The following TOX2 variants were observed in gnomAD, a reference collection of about 807,000 sequenced individuals.
TOX2 encodes granulosa cell HMG box 1.
Under a neutral mutation model 47.4 loss-of-function variants are expected in TOX2, and 15 were observed. The observed-to-expected ratio is 0.32, with a 90% CI of 0.21 to 0.49. TOX2 has a LOEUF of 0.49. TOX2 is among the 20% of genes least tolerant of loss of function. The probability of loss-of-function intolerance (pLI) is 0.99; values close to 1 mark genes in which losing one functional copy is unlikely to be tolerated. For missense variants in TOX2, 622 were observed against 673.1 expected (o/e 0.92, Z 0.84); for synonymous variants, 290 against 296.6 (o/e 0.98, Z 0.23).
At chr20:44,018,402 G>A (rs1479951663) in intron 3 of TOX2, among the ~76,000 whole-genome samples, 3 of 152,182 alleles carry the variant, frequency 2.0e-5, no homozygotes, top group Non-Finnish European at 4.4e-5. Flanking sequence ...GAGAATTAAG[G>A]GAAAATCGCA....
intron 2 of TOX2, among the ~76,000 whole-genome samples, chr20:43,990,392 A>G (rs376213051): frequency 2.0e-5 from 3 of 152,118 alleles, no homozygotes; most frequent in Non-Finnish European, 2.9e-5. Flanking sequence ...CAGCCCCCTG[A>G]TGGGATGTTT....
At chr20:44,016,592 C>T (rs995772750) in intron 3 of TOX2, among the ~76,000 whole-genome samples, 9 of 152,092 alleles carry the variant, frequency 5.9e-5, no homozygotes, top group African/African-American at 1.9e-4. Context: ...CTATTCCTGG[C>T]CTCTAGTAGC....
intron 1 of TOX2, among the ~76,000 whole-genome samples, chr20:43,959,570 T>C (rs77497219): frequency 6.6e-6 from 1 of 152,232 alleles, no homozygotes; most frequent in East Asian, 1.9e-4. Flanking sequence ...AACGCTGTCG[T>C]TGACATATTT....
chr20:44,039,222 C>A (rs776273253), intron 3 of TOX2: 10 of 1,288,290 alleles, frequency 7.8e-6, no homozygotes, highest in Non-Finnish European at 1.0e-5. Context: ...GAGGAGGTGA[C>A]ATTTCAGGTA....
chr20:43,928,452 T>C (rs2145310216), intron 1 of TOX2, among the ~76,000 whole-genome samples: 1 of 152,344 alleles, frequency 6.6e-6, no homozygotes, highest in East Asian at 1.9e-4. Context: ...TGCTCTTGTG[T>C]TGGTCGCTTT....
At position 43,934,136 on chromosome 20, in the gene TOX2, GGA is replaced by G. The variant is rs56662660; in HGVS notation, c.99+19177_99+19178del. Reference sequence around the variant, plus strand: ...GCTCTTATTTCAGAGCCCAAGGTAAGGAGAGAGAGAGAGAGAGAGAGAGAGAG... The same window carrying G: ...GCTCTTATTTCAGAGCCCAAGGTAAGGAGAGAGAGAGAGAGAGAGAGAGAG... On this transcript the variant is annotated intron_variant, in intron 1 of 8. Transcript: ENST00000341197. 8.6e-3 allele frequency among the ~76,000 whole-genome samples: 1,053 copies of G among 122,126 alleles called. 10 individuals are homozygous for G. The highest frequency in any genetic ancestry group is 0.016 in the Middle Eastern group (4 of 246). The allele number at this position is 122,126 out of a possible 152,430, so 80.1% of individuals were successfully genotyped here. A position where few individuals can be genotyped will look rare whatever the true frequency, so the allele number is the denominator to read the frequency against.
intron 2 of TOX2, among the ~76,000 whole-genome samples, chr20:43,995,066 T>C (rs1245305702): frequency 6.6e-6 from 1 of 151,938 alleles, no homozygotes; most frequent in African/African-American, 2.4e-5. Flanking sequence ...ATTTTACCGG[T>C]ATGGCTTTTC....
At chr20:43,963,010 T>G (rs1245505502) in intron 1 of TOX2, among the ~76,000 whole-genome samples, 1 of 152,236 alleles carries the variant, frequency 6.6e-6, no homozygotes, top group African/African-American at 2.4e-5. Flanking sequence ...TCATCATTCT[T>G]GCTCTGAAGT....
intron 3 of TOX2, among the ~76,000 whole-genome samples, chr20:44,046,511 A>G (rs1157842215): frequency 6.6e-6 from 1 of 152,216 alleles, no homozygotes; most frequent in Non-Finnish European, 1.5e-5. Flanking sequence ...TTGTGCACCC[A>G]CGTTCCTAGC....
intron 3 of TOX2, among the ~76,000 whole-genome samples, chr20:44,021,087 A>G (rs1366259856): frequency 6.6e-6 from 1 of 152,172 alleles, no homozygotes; most frequent in African/African-American, 2.4e-5. Context: ...ATTGTGCACC[A>G]AGGGCCTAAG....
At chr20:43,952,181 G>A (rs573436254) in intron 1 of TOX2, among the ~76,000 whole-genome samples, 6 of 152,198 alleles carry the variant, frequency 3.9e-5, no homozygotes, top group East Asian at 3.9e-4. Flanking sequence ...AATTACAGGC[G>A]TGAGCCACTG....
chr20:43,992,966 T>C (rs369689124), intron 2 of TOX2, among the ~76,000 whole-genome samples: 4 of 152,160 alleles, frequency 2.6e-5, no homozygotes, highest in East Asian at 1.9e-4. Flanking sequence ...CTCGTGGTCC[T>C]CCTTATACCC....
At chr20:43,995,570 T>C (rs2070459754) in intron 2 of TOX2, among the ~76,000 whole-genome samples, 2 of 152,198 alleles carry the variant, frequency 1.3e-5, no homozygotes, top group Non-Finnish European at 2.9e-5. Context: ...GTTATATAGG[T>C]AAGCTTGTGT....
intron 3 of TOX2, among the ~76,000 whole-genome samples, chr20:44,017,521 G>T (rs1226220272): frequency 6.6e-6 from 1 of 152,182 alleles, no homozygotes; most frequent in Non-Finnish European, 1.5e-5. Context: ...GCCCCTTGCA[G>T]CACTGCTCAT....
chr20:43,977,554 T>C (rs1445762630), intron 2 of TOX2, among the ~76,000 whole-genome samples: 2 of 152,266 alleles, frequency 1.3e-5, no homozygotes, highest in Admixed American at 1.3e-4. Flanking sequence ...TTGAAAACTT[T>C]CACCGCCGCT....
At chr20:44,027,888 G>A (rs1358318521) in intron 3 of TOX2, among the ~76,000 whole-genome samples, 1 of 152,140 alleles carries the variant, frequency 6.6e-6, no homozygotes, top group Non-Finnish European at 1.5e-5. Flanking sequence ...CCCACTTAGG[G>A]GATCATGGAG....
intron 3 of TOX2, among the ~76,000 whole-genome samples, chr20:44,011,786 C>T (rs1014270795): frequency 2.6e-5 from 4 of 152,208 alleles, no homozygotes; most frequent in Non-Finnish European, 5.9e-5. Context: ...CTCATAAATG[C>T]CAAAGCCCCC....
intron 2 of TOX2, among the ~76,000 whole-genome samples, chr20:43,988,362 G>A (rs561906592): frequency 4.6e-5 from 7 of 152,332 alleles, no homozygotes; most frequent in Non-Finnish European, 1.0e-4. Flanking sequence ...ACACATGCTT[G>A]TGTACAGACA....
intron 1 of TOX2, among the ~76,000 whole-genome samples, chr20:43,970,383 G>T (rs1330246984): frequency 6.6e-6 from 1 of 152,228 alleles, no homozygotes; most frequent in Non-Finnish European, 1.5e-5. Flanking sequence ...TGTCTACTGT[G>T]CTTATCGGGG....
Sources: gnomAD v4.1 joint callset for allele counts (sites outside exome capture counted in the v4.1 genomes callset) on GRCh38, gnomAD v4.1.1 for gene constraint, MANE v1.5 for transcripts, NCBI Gene and HGNC (gene_info 2026-07-23, HGNC 2026-07-21) for gene names.